Variants in TP53BP2 observed in about 807,000 individuals in gnomAD.
TP53BP2 encodes apoptosis-stimulating of p53 protein 2.
A neutral mutation model predicts 126.2 loss-of-function variants in TP53BP2; 62 were observed. The observed-to-expected ratio is 0.49, with a 90% CI of 0.40 to 0.61. The LOEUF (loss-of-function observed/expected upper bound fraction) is 0.61, where lower values mean the gene tolerates loss of function less well. Among genes scored for constraint, TP53BP2 ranks in the 20% least tolerant of loss-of-function variants. The pLI, the probability that TP53BP2 is intolerant of heterozygous loss-of-function variation, is 0.00. For missense variants in TP53BP2, 1,215 were observed against 1,402.8 expected (o/e 0.87, Z 2.14); for synonymous variants, 485 against 502.9 (o/e 0.96, Z 0.48).
In TP53BP2 at chr1:223,800,717, C is replaced by T; in HGVS notation, c.1319G>A (p.Gly440Glu). The change falls in exon 10 of 18, where the codon GGG (glycine) becomes GAG (glutamate). Residue 440 changes from glycine to glutamate, a missense_variant. By Grantham distance (98) the Gly-to-Glu change is moderately conservative. Transcript: ENST00000343537. ...QGSASVPQST[G>E]NALDQVDDGE... ...AATCTCACCTTGATCCAGAGCATTCCCAGTGCTTTGAGGTACAGAAGCAGA... is the reference window on the plus strand; with the variant it reads ...AATCTCACCTTGATCCAGAGCATTCTCAGTGCTTTGAGGTACAGAAGCAGA... The T allele has an allele frequency of 6.2e-7, 1 of 1,600,478 alleles. No homozygotes were observed. The highest frequency in any genetic ancestry group is 8.5e-7 in the Non-Finnish European group (1 of 1,176,630).
intron 1 of TP53BP2, among the ~76,000 whole-genome samples, chr1:223,831,475 AAAAAAATATATATATATATATATATAT>A (rs1295749822): frequency 1.7e-4 from 8 of 47,080 alleles, no homozygotes; most frequent in Admixed American, 7.2e-4. Flanking sequence ...CTAAAAAAAA[AAAAAAATATATATATATATATATATAT>A]ATATATATAT....
At position 223,784,323 on chromosome 1, in the gene TP53BP2, A is replaced by G. The variant is rs1401821270; in HGVS notation, c.3164-9T>C. 5 of 1,613,632 alleles carry G rather than the reference A, an allele frequency of 3.1e-6. No individual in the cohort carries two copies. Among genetic ancestry groups the G allele is most frequent in the East Asian group, 4.5e-5 (2 of 44,890 alleles). On this transcript the variant is annotated splice_polypyrimidine_tract_variant and intron_variant, in intron 16 of 17. Coordinates refer to ENST00000343537, the MANE Select transcript of TP53BP2 (RefSeq NM_001031685.3). ...CATCTTCTCCTGAACTCCTAAAATC[A>G]TGACAGTAAGATAAAGCACAGAATA...
chr1:223,824,652 T>C (rs1029798768), intron 1 of TP53BP2, among the ~76,000 whole-genome samples: 1 of 152,008 alleles, frequency 6.6e-6, no homozygotes, highest in Non-Finnish European at 1.5e-5. Flanking sequence ...TGCACCTGTA[T>C]CCCAGAACTT....
chr1:223,793,395 G>C lies in TP53BP2; in HGVS notation c.2770C>G (p.His924Asp), dbSNP rs138193509. ...LRKTGSERIA[H>D]GMRVKFNPLA... ...GGGTTGAATTTCACCCTCATTCCAT[G>C]AGCGATACGCTCTGAGCCAGTTTTA... Residue 924 changes from histidine to aspartate, a missense_variant, in exon 14 of 18, where the codon CAT becomes GAT. By Grantham distance (81) the His-to-Asp change is moderately conservative. Transcript: ENST00000343537. 1.9e-6 allele frequency: 3 copies of C among 1,608,972 alleles called. No homozygotes were observed. Among genetic ancestry groups the C allele is most frequent in the Non-Finnish European group, 2.5e-6 (3 of 1,178,014 alleles).
intron 1 of TP53BP2, among the ~76,000 whole-genome samples, chr1:223,822,703 C>G (rs756830128): frequency 6.6e-6 from 1 of 151,408 alleles, no homozygotes; most frequent in Non-Finnish European, 1.5e-5. Context: ...TCTTGACAAT[C>G]TTTCTCCTAG....
chr1:223,811,757 G>GT (rs1662913893), intron 3 of TP53BP2, among the ~76,000 whole-genome samples: 1 of 152,166 alleles, frequency 6.6e-6, no homozygotes, highest in African/African-American at 2.4e-5. Context: ...ACCAAAAACA[G>GT]TAAGTTAACA....
In TP53BP2 at chr1:223,790,392, A is replaced by G. The variant is rs1662113689; in HGVS notation, c.2997-1218T>C. Among the ~76,000 whole-genome samples the G allele has an allele frequency of 2.6e-5, 4 of 151,908 alleles. No individual in the cohort carries two copies. The South Asian group carries it at 8.3e-4, about 32-fold the overall frequency. On this transcript the variant is annotated intron_variant, in intron 15 of 17. Coordinates refer to ENST00000343537, the MANE Select transcript of TP53BP2 (RefSeq NM_001031685.3). Reference sequence around the variant, plus strand: ...GGCAACACAGCAAAACCCCATCTCTACTAAAAATACAAAAAAATAGCCAGG... The same window carrying G: ...GGCAACACAGCAAAACCCCATCTCTGCTAAAAATACAAAAAAATAGCCAGG...
chr1:223,800,876 G>C, intron 9 of TP53BP2, 66 bp from the exon 10 acceptor site: 1 of 1,169,686 alleles, frequency 8.5e-7, no homozygotes, highest in South Asian at 1.4e-5. Context: ...GATTTTTACT[G>C]CTAAGACTTT....
intron 16 of TP53BP2, among the ~76,000 whole-genome samples, chr1:223,787,341 G>A (rs1299566545): frequency 6.6e-6 from 1 of 151,798 alleles, no homozygotes; most frequent in African/African-American, 2.4e-5. Flanking sequence ...AAGTAACAGA[G>A]CAAGATTGTC....
At chr1:223,821,859 T>C (rs1261652367) in intron 1 of TP53BP2, among the ~76,000 whole-genome samples, 2 of 151,952 alleles carry the variant, frequency 1.3e-5, no homozygotes, top group African/African-American at 4.8e-5. Flanking sequence ...CTAATCTTTA[T>C]ATAATGTACA....
At chr1:223,820,978 C>G (rs955923428) in intron 2 of TP53BP2, 1 of 558,968 alleles carries the variant, frequency 1.8e-6, no homozygotes, top group African/African-American at 1.9e-5. Context: ...CACTGGACCA[C>G]AACAGCCCAG....
intron 1 of TP53BP2, among the ~76,000 whole-genome samples, chr1:223,829,524 C>T (rs1663622717): frequency 6.6e-6 from 1 of 152,106 alleles, no homozygotes. Flanking sequence ...ACTATATGTT[C>T]TTTAAATACC....
At chr1:223,806,157 C>T (rs899570236) in intron 5 of TP53BP2, among the ~76,000 whole-genome samples, 1 of 152,268 alleles carries the variant, frequency 6.6e-6, no homozygotes, top group East Asian at 1.9e-4. Context: ...TAATCTGATC[C>T]AAGATTAATC....
intron 15 of TP53BP2, among the ~76,000 whole-genome samples, chr1:223,791,305 G>A (rs1442007068): frequency 1.3e-5 from 2 of 151,930 alleles, no homozygotes; most frequent in Non-Finnish European, 2.9e-5. Flanking sequence ...TTTTTAAAAA[G>A]AGCCTGAAGA....
At chr1:223,792,929 T>TCTAAC (rs1480083482) in intron 14 of TP53BP2, among the ~76,000 whole-genome samples, 2 of 151,560 alleles carry the variant, frequency 1.3e-5, no homozygotes, top group African/African-American at 4.8e-5. Flanking sequence ...AGACCGCATC[T>TCTAAC]CTAACCTAAT....
chr1:223,835,481 C>T (rs1663890322), intron 1 of TP53BP2, among the ~76,000 whole-genome samples: 1 of 152,192 alleles, frequency 6.6e-6, no homozygotes, highest in Admixed American at 6.5e-5. Flanking sequence ...TCTTGTTTGC[C>T]AGGCATTCGT....
At chr1:223,824,474 G>A (rs906360963) in intron 1 of TP53BP2, among the ~76,000 whole-genome samples, 19 of 152,166 alleles carry the variant, frequency 1.2e-4, no homozygotes, top group African/African-American at 4.1e-4. Context: ...TATTTTTGTC[G>A]ATTCCCAGGC....
intron 10 of TP53BP2, among the ~76,000 whole-genome samples, 162 bp downstream of exon 10, chr1:223,800,538 C>T (rs758087433): frequency 6.6e-6 from 1 of 151,934 alleles, no homozygotes; most frequent in African/African-American, 2.4e-5. Context: ...GAGCCATGAG[C>T]GCACCACTGC....
intron 1 of TP53BP2, among the ~76,000 whole-genome samples, chr1:223,838,371 G>C (rs1318576496): frequency 6.6e-6 from 1 of 152,194 alleles, no homozygotes; most frequent in African/African-American, 2.4e-5. Context: ...GAAAAGCAAT[G>C]ATTTAATGTG....
Sources: allele counts gnomAD v4.1 joint callset (sites outside exome capture counted in the v4.1 genomes callset), GRCh38; gene constraint gnomAD v4.1.1; transcripts MANE v1.5; gene names NCBI Gene and HGNC (gene_info 2026-07-23, HGNC 2026-07-21).